The following S100Z variants were observed in gnomAD, a reference collection of about 807,000 sequenced individuals.
S100Z encodes protein S100-Z.
Under a neutral mutation model 8.5 loss-of-function variants are expected in S100Z, and 11 were observed. The ratio of observed to expected loss-of-function variants is 1.30; its 90% confidence interval spans 0.82 to 2.15. The LOEUF (loss-of-function observed/expected upper bound fraction) is 2.15. S100Z is among the 30% of genes most tolerant of loss of function. S100Z has a pLI of 0.00. For synonymous variants in S100Z, 34 were observed against 43.8 expected, an observed-to-expected ratio of 0.78 and a Z score of 0.89; for missense variants, 126 against 117.9, an observed-to-expected ratio of 1.07 and a Z score of -0.32.
chr5:76,911,730 C>G (rs578211555), intron 4 of S100Z, among the ~76,000 whole-genome samples: 1 of 152,208 alleles, frequency 6.6e-6, no homozygotes, highest in South Asian at 2.1e-4. Flanking sequence ...GTGCCTAGAT[C>G]GAAGGCCCAG....
chr5:76,854,117 C>A (rs1287739656), intron 1 of S100Z, among the ~76,000 whole-genome samples: 2 of 152,154 alleles, frequency 1.3e-5, no homozygotes, highest in Non-Finnish European at 2.9e-5. Flanking sequence ...GCCCATTAAA[C>A]CTCTTTTCTT....
chr5:76,935,955 T>G, the S100Z span, among the ~76,000 whole-genome samples: 2 of 152,082 alleles, frequency 1.3e-5, no homozygotes, highest in East Asian at 3.9e-4. Context: ...TTTTGTATTT[T>G]TAGTAGAGAT....
At chr5:76,946,661 CTAT>C in the S100Z span, among the ~76,000 whole-genome samples, 6 of 152,000 alleles carry the variant, frequency 3.9e-5, no homozygotes, top group Non-Finnish European at 7.4e-5. Flanking sequence ...TCATATAAAA[CTAT>C]TATTATTAGG....
chr5:76,935,432 T>C, the S100Z span, among the ~76,000 whole-genome samples: 344 of 152,304 alleles, frequency 2.3e-3, 1 homozygote, highest in African/African-American at 7.7e-3. Flanking sequence ...CAGACAGGAA[T>C]AGTGTGCTAT....
At chr5:76,917,696 G>A (rs1744897244) in intron 4 of S100Z, among the ~76,000 whole-genome samples, 1 of 151,946 alleles carries the variant, frequency 6.6e-6, no homozygotes, top group Middle Eastern at 3.2e-3. Flanking sequence ...AGTGGCACAT[G>A]CCTGTAATCC....
At chr5:76,855,763 G>A (rs1346673863) in intron 1 of S100Z, among the ~76,000 whole-genome samples, 1 of 152,222 alleles carries the variant, frequency 6.6e-6, no homozygotes, top group Non-Finnish European at 1.5e-5. Context: ...TTGGGGGACT[G>A]TTGAGAAGGG....
chr5:76,851,538 T>C (rs2150615816), intron 1 of S100Z, among the ~76,000 whole-genome samples: 1 of 152,140 alleles, frequency 6.6e-6, no homozygotes, highest in Middle Eastern at 3.4e-3. Flanking sequence ...AGGAATAGCA[T>C]CATACTCAGG....
At chr5:76,894,145 T>C (rs1215358595) in intron 4 of S100Z, among the ~76,000 whole-genome samples, 6 of 152,202 alleles carry the variant, frequency 3.9e-5, no homozygotes, top group Admixed American at 6.5e-5. Context: ...GCCTGCTAGC[T>C]AAAAGCTTCA....
chr5:76,897,422 G>A (rs941844261), intron 4 of S100Z, among the ~76,000 whole-genome samples: 2 of 151,442 alleles, frequency 1.3e-5, no homozygotes, highest in Non-Finnish European at 2.9e-5. Context: ...CAGCCTGGGC[G>A]ACAGAGCGAG....
At chr5:76,925,576 A>T (rs1350506420), downstream of S100Z, among the ~76,000 whole-genome samples, 4 of 151,100 alleles carry the variant, frequency 2.6e-5, no homozygotes, top group South Asian at 2.1e-4. Flanking sequence ...TTTTTTTTTT[A>T]AAGTTACAGA....
chr5:76,910,507 G>A (rs748046418), intron 4 of S100Z, among the ~76,000 whole-genome samples: 1 of 152,160 alleles, frequency 6.6e-6, no homozygotes, highest in Admixed American at 6.5e-5. Flanking sequence ...AATCACCCGG[G>A]ATGGCTTGTT....
At chr5:76,950,490 T>C in the S100Z span, among the ~76,000 whole-genome samples, 3 of 152,216 alleles carry the variant, frequency 2.0e-5, no homozygotes, top group Non-Finnish European at 4.4e-5. Context: ...TAGGTGACAA[T>C]TTGCTCTGGG....
At chr5:76,885,570 A>G (rs1202204073) in intron 4 of S100Z, among the ~76,000 whole-genome samples, 19 of 77,232 alleles carry the variant, frequency 2.5e-4, no homozygotes, top group African/African-American at 3.0e-4. Context: ...CCAGGAAAGT[A>G]GGAACGGGTT....
intron 3 of S100Z, among the ~76,000 whole-genome samples, chr5:76,876,418 G>T (rs899368513): frequency 7.3e-5 from 11 of 151,382 alleles, no homozygotes; most frequent in Admixed American, 3.3e-4. Flanking sequence ...TCCTAGGCCG[G>T]AGTGCAGTGA....
At chr5:76,946,081 G>T in the S100Z span, among the ~76,000 whole-genome samples, 1 of 152,136 alleles carries the variant, frequency 6.6e-6, no homozygotes, top group African/African-American at 2.4e-5. Flanking sequence ...TAGTCATTTG[G>T]TTAATTTCCA....
intron 4 of S100Z, chr5:76,878,305 T>C (rs1431189167): frequency 6.5e-6 from 1 of 152,768 alleles, no homozygotes; most frequent in African/African-American, 2.4e-5. Flanking sequence ...AGTGCTGGCT[T>C]TTTCAGTGAT....
At chr5:76,902,988 C>T (rs560657513) in intron 4 of S100Z, among the ~76,000 whole-genome samples, 3 of 152,266 alleles carry the variant, frequency 2.0e-5, no homozygotes, top group African/African-American at 4.8e-5. Context: ...GAGTTCAAGA[C>T]CAGCCTGGCC....
chr5:76,879,099 C>T (rs546968189), intron 4 of S100Z, among the ~76,000 whole-genome samples: 44 of 152,248 alleles, frequency 2.9e-4, no homozygotes, highest in Non-Finnish European at 5.4e-4. Flanking sequence ...CAGAAGGCTA[C>T]TGGGAATTTC....
intron 4 of S100Z, among the ~76,000 whole-genome samples, chr5:76,903,079 A>G (rs1240519752): frequency 2.6e-5 from 4 of 152,292 alleles, no homozygotes; most frequent in African/African-American, 9.6e-5. Context: ...CCAGCTACTC[A>G]GGAGGCTGAG....
Sources: allele counts gnomAD v4.1 joint callset (sites outside exome capture counted in the v4.1 genomes callset), GRCh38; gene constraint gnomAD v4.1.1; transcripts MANE v1.5; gene names NCBI Gene and HGNC (gene_info 2026-07-23, HGNC 2026-07-21).